The following GRHL2 variants were observed in gnomAD, a reference collection of about 807,000 sequenced individuals.
GRHL2 encodes the protein grainyhead-like protein 2 homolog.
In GRHL2, 21 loss-of-function variants were observed where a neutral mutation model predicts 83.8. That is an observed-to-expected ratio of 0.25 (90% CI 0.18 to 0.36). The LOEUF (loss-of-function observed/expected upper bound fraction) is 0.36. GRHL2 is among the 10% of genes least tolerant of loss of function. GRHL2 has a pLI of 1.00. For missense variants in GRHL2, 623 were observed against 781.8 expected (o/e 0.80, Z 2.42); for synonymous variants, 280 against 278.9 (o/e 1.00, Z -0.04).
intron 4 of GRHL2, among the ~76,000 whole-genome samples, chr8:101,561,739 C>G (rs1250916302): frequency 6.6e-6 from 1 of 152,146 alleles, no homozygotes; most frequent in Non-Finnish European, 1.5e-5. Flanking sequence ...ATGGCATAAC[C>G]ATTTTACATC....
chr8:101,505,172 C>G (rs1382607858), intron 1 of GRHL2, among the ~76,000 whole-genome samples: 1 of 152,130 alleles, frequency 6.6e-6, no homozygotes. Context: ...CTCTCCCACT[C>G]CCAACTGGCC....
chr8:101,535,032 A>G (rs1811014571), intron 1 of GRHL2, among the ~76,000 whole-genome samples: 1 of 152,216 alleles, frequency 6.6e-6, no homozygotes, highest in Non-Finnish European at 1.5e-5. Flanking sequence ...CTCTTTCACA[A>G]ATGCGAAAGC....
intron 1 of GRHL2, among the ~76,000 whole-genome samples, chr8:101,529,860 T>A (rs910004400): frequency 2.6e-5 from 4 of 152,136 alleles, no homozygotes; most frequent in Admixed American, 2.6e-4. Context: ...CCTTTGTATA[T>A]ATACAAGTGA....
chr8:101,536,648 G>A (rs989774687), intron 1 of GRHL2, among the ~76,000 whole-genome samples: 19 of 152,204 alleles, frequency 1.2e-4, no homozygotes, highest in Non-Finnish European at 2.2e-4. Flanking sequence ...TATTAAAACG[G>A]TACATAAGGT....
intron 1 of GRHL2, among the ~76,000 whole-genome samples, chr8:101,519,037 A>G (rs1810628202): frequency 9.8e-6 from 1 of 101,874 alleles, no homozygotes; most frequent in South Asian, 3.7e-4. Context: ...TCACATACAC[A>G]CATACACAAT....
At chr8:101,607,263 G>A (rs11783504) in intron 8 of GRHL2, among the ~76,000 whole-genome samples, 71,207 of 151,824 alleles carry the variant, frequency 0.47, 17,435 homozygotes, top group South Asian at 0.61. Context: ...AATGGATGGC[G>A]TTCTTAATCT....
chr8:101,562,683 C>CA (rs1170128459), intron 4 of GRHL2, among the ~76,000 whole-genome samples: 1 of 152,138 alleles, frequency 6.6e-6, no homozygotes, highest in Non-Finnish European at 1.5e-5. Flanking sequence ...GGTAAAACAG[C>CA]AATTTGTGAT....
intron 13 of GRHL2, 73 bp from the exon 14 acceptor site, chr8:101,649,341 A>C: frequency 3.3e-6 from 4 of 1,224,664 alleles, no homozygotes; most frequent in Non-Finnish European, 3.6e-6. Flanking sequence ...GTGTGACAGG[A>C]AACAGTCCCC....
chr8:101,565,118 G>T (rs1563583092), intron 4 of GRHL2, among the ~76,000 whole-genome samples: 3 of 152,270 alleles, frequency 2.0e-5, no homozygotes, highest in Admixed American at 6.5e-5. Flanking sequence ...TGCAAGGAAG[G>T]TGCATTATTT....
intron 9 of GRHL2, among the ~76,000 whole-genome samples, chr8:101,626,515 G>T (rs760477840): frequency 1.3e-5 from 2 of 152,120 alleles, no homozygotes; most frequent in Admixed American, 6.6e-5. Flanking sequence ...GCTACATATT[G>T]TGGAAATACG....
intron 4 of GRHL2, among the ~76,000 whole-genome samples, chr8:101,565,550 C>A (rs748802228): frequency 5.9e-5 from 9 of 152,150 alleles, no homozygotes; most frequent in Admixed American, 2.6e-4. Context: ...ACATTATCAT[C>A]TCTATGTGTG....
At chr8:101,607,372 A>G (rs1173650979) in intron 8 of GRHL2, among the ~76,000 whole-genome samples, 1 of 152,188 alleles carries the variant, frequency 6.6e-6, no homozygotes, top group Non-Finnish European at 1.5e-5. Flanking sequence ...GAAGGAGACT[A>G]CACTCCTGAG....
Position 101,577,492 on chromosome 8 carries a change from A to G in GRHL2, c.976A>G (p.Thr326Ala). Residue 326 changes from threonine to alanine, a missense_variant, in exon 7 of 16, where the codon ACG becomes GCG. By Grantham distance (58) the Thr-to-Ala change is moderately conservative. This residue lies in a region of GRHL2 where 96 missense variants were observed against 144.8 expected (regional missense o/e 0.66). Transcript: ENST00000646743. Reference sequence around the variant, plus strand: ...GAAATACTGGCACTCTCGGCAGCATACGGCGAAGCAGAGGGTCCTTGACAT... The same window carrying G: ...GAAATACTGGCACTCTCGGCAGCATGCGGCGAAGCAGAGGGTCCTTGACAT... ...YWKYWHSRQH[T>A]AKQRVLDIAD... 1.2e-6 allele frequency: 2 copies of G among 1,613,896 alleles called. No homozygotes were observed. The highest frequency in any genetic ancestry group is 1.7e-6 in the Non-Finnish European group (2 of 1,179,790).
intron 3 of GRHL2, among the ~76,000 whole-genome samples, chr8:101,557,940 C>G (rs1353470510): frequency 1.3e-5 from 2 of 152,192 alleles, no homozygotes; most frequent in East Asian, 3.9e-4. Context: ...TCTCGACTCA[C>G]CACAACCTCT....
intron 8 of GRHL2, among the ~76,000 whole-genome samples, chr8:101,610,996 A>G (rs12541858): frequency 0.5 from 75,140 of 150,504 alleles, 21,075 homozygotes; most frequent in African/African-American, 0.71. Flanking sequence ...TGAGATCAAG[A>G]GGTAACCAGC....
At chr8:101,645,672 T>C (rs942631433) in intron 13 of GRHL2, among the ~76,000 whole-genome samples, 6 of 151,820 alleles carry the variant, frequency 4.0e-5, no homozygotes, top group Non-Finnish European at 8.8e-5. Context: ...GACTGAGGAG[T>C]TAATACCTGG....
chr8:101,591,056 A>T (rs1405439491), intron 7 of GRHL2, among the ~76,000 whole-genome samples: 1 of 152,198 alleles, frequency 6.6e-6, no homozygotes, highest in Non-Finnish European at 1.5e-5. Flanking sequence ...TGCCCCTACA[A>T]TCCATTTGAA....
chr8:101,509,742 C>T (rs1275606361), intron 1 of GRHL2, among the ~76,000 whole-genome samples: 1 of 152,074 alleles, frequency 6.6e-6, no homozygotes. Context: ...ATACTTAATT[C>T]TAGTAGAAGG....
chr8:101,531,810 G>A (rs565215256), intron 1 of GRHL2, among the ~76,000 whole-genome samples: 28 of 152,126 alleles, frequency 1.8e-4, no homozygotes, highest in Non-Finnish European at 2.6e-4. Context: ...TGGGGCTCCC[G>A]AGAGGGGGTG....
Sources: gnomAD v4.1 joint callset for allele counts (sites outside exome capture counted in the v4.1 genomes callset) on GRCh38, gnomAD v4.1.1 for gene constraint, gnomAD v4.1.1 regional missense constraint, MANE v1.5 for transcripts, NCBI Gene and HGNC (gene_info 2026-07-23, HGNC 2026-07-21) for gene names.